CNTN1: variants seen among roughly 807,000 people sequenced by gnomAD.
The protein encoded by CNTN1 is contactin 1.
Under a neutral mutation model 126.4 loss-of-function variants are expected in CNTN1, and 38 were observed. The ratio of observed to expected loss-of-function variants is 0.30; its 90% confidence interval spans 0.23 to 0.39. CNTN1 has a LOEUF of 0.39. Among genes scored for constraint, CNTN1 ranks in the 10% least tolerant of loss-of-function variants. The probability of loss-of-function intolerance (pLI) is 1.00; values close to 1 mark genes in which losing one functional copy is unlikely to be tolerated. For missense variants in CNTN1, 1,009 were observed against 1,248.4 expected (o/e 0.81, Z 2.89); for synonymous variants, 413 against 422.6 (o/e 0.98, Z 0.28).
At chr12:40,844,761 C>A (rs1249209938) in intron 1 of CNTN1, among the ~76,000 whole-genome samples, 1 of 152,136 alleles carries the variant, frequency 6.6e-6, no homozygotes, top group Non-Finnish European at 1.5e-5. Context: ...AGTTTAAAAG[C>A]ATAAATAGTT....
intron 1 of CNTN1, among the ~76,000 whole-genome samples, chr12:40,900,448 T>A (rs532168431): frequency 6.6e-6 from 1 of 152,288 alleles, no homozygotes; most frequent in South Asian, 2.1e-4. Flanking sequence ...AGTGTGTGTG[T>A]GTATGGTTAG....
intron 1 of CNTN1, among the ~76,000 whole-genome samples, chr12:40,723,549 G>A (rs1374038725): frequency 1.3e-5 from 2 of 152,138 alleles, no homozygotes; most frequent in African/African-American, 4.8e-5. Flanking sequence ...TATTATCCCT[G>A]ATTTGTTTTT....
At chr12:40,994,910 A>G (rs12296475) in intron 17 of CNTN1, among the ~76,000 whole-genome samples, 17,794 of 152,008 alleles carry the variant, frequency 0.12, 2,020 homozygotes, top group African/African-American at 0.29. Flanking sequence ...AACTCAATGT[A>G]TGAGAACAGC....
At chr12:40,853,781 A>G (rs1167924095) in intron 1 of CNTN1, among the ~76,000 whole-genome samples, 2 of 151,770 alleles carry the variant, frequency 1.3e-5, no homozygotes, top group African/African-American at 2.4e-5. Flanking sequence ...CTCTAGCTCT[A>G]TCCGTCTCCT....
chr12:41,013,267 G>A (rs1948707188), intron 17 of CNTN1, among the ~76,000 whole-genome samples: 1 of 152,162 alleles, frequency 6.6e-6, no homozygotes. Context: ...AGAAAGAAAA[G>A]GGAAGATGGA....
At chr12:40,861,117 C>A (rs762331199) in intron 1 of CNTN1, among the ~76,000 whole-genome samples, 29 of 152,128 alleles carry the variant, frequency 1.9e-4, no homozygotes, top group Non-Finnish European at 3.4e-4. Flanking sequence ...GAAAGAAACA[C>A]ATGGCTACTT....
At chr12:41,028,058 A>G (rs1170289313) in intron 22 of CNTN1, 89 bp downstream of exon 22, 3 of 945,050 alleles carry the variant, frequency 3.2e-6, no homozygotes, top group Non-Finnish European at 5.1e-6. Flanking sequence ...TTGAGATGGA[A>G]TTTTGCTCTG....
intron 1 of CNTN1, among the ~76,000 whole-genome samples, chr12:40,869,110 T>C (rs1319521164): frequency 6.6e-6 from 1 of 151,868 alleles, no homozygotes; most frequent in African/African-American, 2.4e-5. Flanking sequence ...GAATGAATGT[T>C]TTGATAGTTT....
At chr12:40,853,760 T>C (rs762911589) in intron 1 of CNTN1, among the ~76,000 whole-genome samples, 1 of 151,838 alleles carries the variant, frequency 6.6e-6, no homozygotes, top group Non-Finnish European at 1.5e-5. Flanking sequence ...CAGGAGTTAG[T>C]CTAGCTCCCT....
chr12:40,791,235 T>C (rs1940210636), intron 1 of CNTN1, among the ~76,000 whole-genome samples: 1 of 152,150 alleles, frequency 6.6e-6, no homozygotes, highest in African/African-American at 2.4e-5. Flanking sequence ...AACATGGCAT[T>C]AGTTACCTTT....
At chr12:40,853,787 C>T (rs917823698) in intron 1 of CNTN1, among the ~76,000 whole-genome samples, 1 of 151,766 alleles carries the variant, frequency 6.6e-6, no homozygotes, top group Non-Finnish European at 1.5e-5. Context: ...CTCTATCCGT[C>T]TCCTTTCCCA....
chr12:40,865,364 C>T (rs540040095), intron 1 of CNTN1, among the ~76,000 whole-genome samples: 1 of 152,110 alleles, frequency 6.6e-6, no homozygotes, highest in South Asian at 2.1e-4. Flanking sequence ...AAGTCTAATT[C>T]TATTTTTGCT....
chr12:41,011,459 C>A (rs2120705904), intron 17 of CNTN1, among the ~76,000 whole-genome samples: 1 of 152,332 alleles, frequency 6.6e-6, no homozygotes, highest in African/African-American at 2.4e-5. Flanking sequence ...TAGTCTCCTT[C>A]CTTTTGATGT....
intron 15 of CNTN1, among the ~76,000 whole-genome samples, chr12:40,963,018 G>A (rs572789291): frequency 2.6e-5 from 4 of 152,138 alleles, no homozygotes; most frequent in South Asian, 4.2e-4. Context: ...CATTTGTGTC[G>A]TCACAACCCT....
intron 1 of CNTN1, among the ~76,000 whole-genome samples, chr12:40,694,502 A>T (rs930430443): frequency 7.2e-5 from 11 of 152,242 alleles, no homozygotes; most frequent in African/African-American, 2.7e-4. Flanking sequence ...ATTATACTGC[A>T]TAGCAGTTTC....
intron 14 of CNTN1, among the ~76,000 whole-genome samples, chr12:40,947,201 A>G (rs1946464858): frequency 6.6e-6 from 1 of 152,046 alleles, no homozygotes; most frequent in South Asian, 2.1e-4. Flanking sequence ...GGAGTTAAAC[A>G]TCTAAAAATT....
chr12:40,820,255 G>C lies in CNTN1; in HGVS notation c.-76-88102G>C, dbSNP rs1357129780. On this transcript the variant is annotated intron_variant, in intron 1 of 23. Transcript: ENST00000551295. Reference sequence around the variant, plus strand: ...GGAACTAATTCACTCACCTCTGATGGAGGGCATTACTCTATTCCTGAGGTA... The same window carrying C: ...GGAACTAATTCACTCACCTCTGATGCAGGGCATTACTCTATTCCTGAGGTA... Among the ~76,000 whole-genome samples, 4 of 152,146 alleles carry C rather than the reference G, an allele frequency of 2.6e-5. No homozygotes were observed. In the South Asian group the frequency reaches 8.3e-4, roughly 32 times the overall value.
At chr12:40,697,968 A>G (rs571984615) in intron 1 of CNTN1, among the ~76,000 whole-genome samples, 1 of 152,316 alleles carries the variant, frequency 6.6e-6, no homozygotes, top group Admixed American at 6.5e-5. Context: ...TTCTGCCAGG[A>G]TTATCCAGAT....
intron 1 of CNTN1, among the ~76,000 whole-genome samples, chr12:40,869,758 A>G (rs1406725666): frequency 6.6e-6 from 1 of 152,168 alleles, no homozygotes; most frequent in African/African-American, 2.4e-5. Context: ...ACACAAATGA[A>G]CTATTAGAAC....
Sources: gnomAD v4.1 joint callset for allele counts (sites outside exome capture counted in the v4.1 genomes callset) on GRCh38, gnomAD v4.1.1 for gene constraint, MANE v1.5 for transcripts, NCBI Gene and HGNC (gene_info 2026-07-23, HGNC 2026-07-21) for gene names.